AMACR: variants seen among roughly 807,000 people sequenced by gnomAD.
AMACR encodes the protein alpha-methylacyl-CoA racemase.
AMACR carries 18 observed loss-of-function variants against 22.2 expected under a neutral mutation model. The ratio of observed to expected loss-of-function variants is 0.81; its 90% CI spans 0.56 to 1.20. The LOEUF (loss-of-function observed/expected upper bound fraction) is 1.20, where lower values mean the gene tolerates loss of function less well. Ranked by LOEUF, AMACR falls within the 50% of genes most tolerant of loss-of-function variation. The probability of loss-of-function intolerance (pLI) is 0.00; values close to 1 mark genes in which losing one functional copy is unlikely to be tolerated. For missense variants in AMACR, 499 were observed against 490.6 expected, an observed-to-expected ratio of 1.02 and a Z score of -0.16; for synonymous variants, 213 against 191.3, an observed-to-expected ratio of 1.11 and a Z score of -0.94.
chr5:33,999,661 A>T (rs1257665802), intron 3 of AMACR, among the ~76,000 whole-genome samples: 1 of 152,240 alleles, frequency 6.6e-6, no homozygotes, highest in African/African-American at 2.4e-5. Flanking sequence ...CCTTCAAAGC[A>T]TCCTCGTCTC....
At chr5:34,002,548 T>C (rs769731703) in intron 3 of AMACR, among the ~76,000 whole-genome samples, 6 of 152,194 alleles carry the variant, frequency 3.9e-5, no homozygotes, top group Non-Finnish European at 5.9e-5. Context: ...TTGAAAGCAG[T>C]GGCTTTAGGG....
intron 4 of AMACR, 102 bp from the exon 5 acceptor site, chr5:33,989,604 T>C: frequency 1.0e-6 from 1 of 971,346 alleles, no homozygotes; most frequent in Non-Finnish European, 1.6e-6. Flanking sequence ...AAATAAGATG[T>C]TCTATAAGGG....
At chr5:34,006,422 G>C (rs1424987198) in intron 1 of AMACR, among the ~76,000 whole-genome samples, 1 of 152,186 alleles carries the variant, frequency 6.6e-6, no homozygotes, top group Non-Finnish European at 1.5e-5. Flanking sequence ...GAGTTTTTAA[G>C]CTATCAACAA....
intron 3 of AMACR, 51 bp from the exon 4 acceptor site, chr5:33,998,878 C>T (rs2112055231): frequency 6.4e-7 from 1 of 1,562,618 alleles, no homozygotes; most frequent in Non-Finnish European, 8.8e-7. Flanking sequence ...AGTGTCAAAG[C>T]ATGAATAATT....
rs1181756336 is a variant in AMACR at position 33,988,452 on chromosome 5, C to A, written c.*641G>T. 4 of 1,528,132 alleles carry A rather than the reference C, an allele frequency of 2.6e-6. No homozygotes were observed. The highest frequency in any genetic ancestry group is 4.9e-5 in the East Asian group (2 of 40,734). The allele number at this position is 1,528,132 out of a possible 1,614,324, so 94.7% of individuals were successfully genotyped here. A position where few individuals can be genotyped will look rare whatever the true frequency, so the allele number is the denominator to read the frequency against. On this transcript the variant is annotated 3_prime_UTR_variant, in exon 5 of 5. Coordinates refer to ENST00000335606, the MANE Select transcript of AMACR (RefSeq NM_014324.6). ...CCCCGAGTTACTGGATACAGGCAACCCTAAAACTGACTGTCCCTCTGGACT... is the reference window on the plus strand; with the variant it reads ...CCCCGAGTTACTGGATACAGGCAACACTAAAACTGACTGTCCCTCTGGACT...
intron 4 of AMACR, among the ~76,000 whole-genome samples, chr5:33,991,247 C>T (rs1579572040): frequency 6.6e-6 from 1 of 152,222 alleles, no homozygotes; most frequent in East Asian, 1.9e-4. Flanking sequence ...CCCCAATTCT[C>T]CCATTGTCTA....
chr5:34,003,840 T>G (rs749386644), intron 3 of AMACR, among the ~76,000 whole-genome samples: 20 of 152,210 alleles, frequency 1.3e-4, no homozygotes, highest in Non-Finnish European at 2.6e-4. Flanking sequence ...CTCAGATCCA[T>G]TCTCCATCCC....
At chr5:33,992,324 G>A (rs1334183855) in intron 4 of AMACR, among the ~76,000 whole-genome samples, 1 of 151,484 alleles carries the variant, frequency 6.6e-6, no homozygotes, top group Non-Finnish European at 1.5e-5. Context: ...CTTTTGTACA[G>A]ACAAGAAAGA....
chr5:33,995,574 A>G (rs1489513455), intron 4 of AMACR, among the ~76,000 whole-genome samples: 1 of 152,270 alleles, frequency 6.6e-6, no homozygotes, highest in African/African-American at 2.4e-5. Context: ...GGTGGAAGAC[A>G]TAAACAGAAA....
chr5:33,998,732 T>G lies in AMACR; in HGVS notation c.648A>C (p.Gly216=). ...TCCTGTAAGTCGTATAGAAAGGTGC[T>G]CCACCATCCAACATGTTCTGTCCTC... ...APRGQNMLDG[G]APFYTTYRTA... Residue 216 remains glycine, a synonymous_variant, in exon 4 of 5, where the codon GGA becomes GGC. Coordinates refer to ENST00000335606, the MANE Select transcript of AMACR (RefSeq NM_014324.6). The G allele has an allele frequency of 6.8e-6, 11 of 1,614,086 alleles. No individual in the cohort carries two copies. Among genetic ancestry groups the G allele is most frequent in the Non-Finnish European group, 9.3e-6 (11 of 1,180,000 alleles).
rs775983398 is a variant in AMACR, at chr5:33,997,395, T to C, written c.739+1246A>G. On this transcript the variant is annotated intron_variant, in intron 4 of 4. Coordinates refer to ENST00000335606, the MANE Select transcript of AMACR (RefSeq NM_014324.6). ...GGCCATTGCCGCCTCCAACGGTTACTGCCACACAAAACCCCATGACTTGGG... is the reference window on the plus strand; with the variant it reads ...GGCCATTGCCGCCTCCAACGGTTACCGCCACACAAAACCCCATGACTTGGG... 6.4e-6 allele frequency: 5 copies of C among 777,372 alleles called. No individual in the cohort carries two copies. The African/African-American group carries it at 6.8e-5, about 11-fold the overall frequency. 48.2% of individuals were successfully genotyped at this position (777,372 alleles called of 1,614,324 possible).
chr5:34,006,332 A>G (rs1753977245), intron 1 of AMACR, among the ~76,000 whole-genome samples: 1 of 152,206 alleles, frequency 6.6e-6, no homozygotes, highest in African/African-American at 2.4e-5. Context: ...CACAGGCGCT[A>G]AAGTGCCTAG....
At chr5:33,991,328 A>G (rs774520027) in intron 4 of AMACR, among the ~76,000 whole-genome samples, 2 of 152,184 alleles carry the variant, frequency 1.3e-5, no homozygotes, top group East Asian at 3.9e-4. Context: ...TTAAACACCA[A>G]TGGTTTAAGG....
intron 4 of AMACR, among the ~76,000 whole-genome samples, chr5:33,992,756 A>G (rs1445736467): frequency 1.3e-5 from 2 of 152,238 alleles, no homozygotes; most frequent in Admixed American, 6.5e-5. Context: ...TATGTGTACA[A>G]TAAAAATTCT....
rs945313452 is a variant in AMACR at position 33,991,844 on chromosome 5, C to T, written c.740-2342G>A. ...CAAGCTCTGCCTCCCAGGTTCACGC[C>T]ATTCTTCCACCTCAGCCTCCCTATT... On this transcript the variant is annotated intron_variant, in intron 4 of 4. Transcript: ENST00000335606. 3.3e-5 allele frequency among the ~76,000 whole-genome samples: 5 copies of T among 151,706 alleles called. 1 individual carries two copies. Among genetic ancestry groups the T allele is most frequent in the South Asian group, 4.2e-4 (2 of 4,810 alleles).
Position 33,987,571 on chromosome 5 carries a change from C to A in AMACR, c.*1522G>T, listed in dbSNP as rs1579568244. 6.6e-6 allele frequency: 1 copy of A among 152,190 alleles called. No homozygotes were observed. The highest frequency in any genetic ancestry group is 6.5e-5 in the Admixed American group (1 of 15,280). The allele number at this position is 152,190 out of a possible 1,614,324, so 9.4% of individuals were successfully genotyped here. ...AGTTCATTCTTTCAACATAAGATTG[C>A]ACTATAATCCTTCTGATAATTTCAT... On this transcript the variant is annotated 3_prime_UTR_variant, in exon 5 of 5. Transcript: ENST00000335606.
In AMACR at chr5:33,992,916, C is replaced by T. The variant is rs372728496; in HGVS notation, c.740-3414G>A. ...TTTTTGAAAATTGTGGTAAAATATA[C>T]ATAAAGTTTACCATTTCAGCCATTT... On this transcript the variant is annotated intron_variant, in intron 4 of 4. Transcript: ENST00000335606. Among the ~76,000 whole-genome samples, 134 of 151,892 alleles carry T rather than the reference C, an allele frequency of 8.8e-4. 1 individual carries two copies. Among genetic ancestry groups the T allele is most frequent in the Middle Eastern group, 3.4e-3 (1 of 294 alleles).
chr5:34,005,284 G>C (rs1433007324), intron 2 of AMACR, among the ~76,000 whole-genome samples: 1 of 146,040 alleles, frequency 6.8e-6, no homozygotes, highest in Non-Finnish European at 1.5e-5. Flanking sequence ...CTAATAAAGT[G>C]ATATTAGGAC....
In AMACR at chr5:33,997,570, G is replaced by A. The variant is rs1444112677; in HGVS notation, c.739+1071C>T. 3 of 770,426 alleles carry A rather than the reference G, an allele frequency of 3.9e-6. No individual in the cohort carries two copies. In the East Asian group the frequency reaches 7.3e-5, roughly 19 times the overall value. 47.7% of individuals were successfully genotyped at this position (770,426 alleles called of 1,614,324 possible). On this transcript the variant is annotated intron_variant, in intron 4 of 4. Coordinates refer to ENST00000335606, the MANE Select transcript of AMACR (RefSeq NM_014324.6). The stretch of plus-strand genomic sequence containing the variant: ...TGAATATCATTTGCTATCTTCATCA[G>A]ACTGCAGGTGGCAGTGTTCATGGCT...
Sources: gnomAD v4.1 joint callset for allele counts (sites outside exome capture counted in the v4.1 genomes callset) on GRCh38, gnomAD v4.1.1 for gene constraint, MANE v1.5 for transcripts, NCBI Gene and HGNC (gene_info 2026-07-23, HGNC 2026-07-21) for gene names.